The following MOCS1 variants were observed in gnomAD, a reference collection of about 807,000 sequenced individuals.
MOCS1 encodes molybdenum cofactor synthesis 1.
Under a neutral mutation model 57.6 loss-of-function variants are expected in MOCS1, and 39 were observed. That is an observed-to-expected ratio of 0.68 (90% confidence interval 0.52 to 0.88). The LOEUF is 0.88. Ranked by LOEUF, MOCS1 falls within the 40% of genes least tolerant of loss-of-function variation. The pLI is 0.00. For synonymous variants in MOCS1, 334 were observed against 335.7 expected, an observed-to-expected ratio of 1.00 and a Z score of 0.05; for missense variants, 795 against 831.1, an observed-to-expected ratio of 0.96 and a Z score of 0.53.
chr6:39,915,948 C>T, intron 4 of MOCS1, 120 bp downstream of exon 4: 1 of 1,178,438 alleles, frequency 8.5e-7, no homozygotes. Flanking sequence ...AGTGCTTTGA[C>T]TTACTGATAG....
In MOCS1 at chr6:39,916,107, G is replaced by T. The variant is rs1767642521; in HGVS notation, c.544C>A (p.Leu182Met). ...ATGAACTCAAACTTGGCAGGCACCAGGGTGTCCAGGCTGATGTTGATGGCA... is the reference window on the plus strand; with the variant it reads ...ATGAACTCAAACTTGGCAGGCACCATGGTGTCCAGGCTGATGTTGATGGCA... ...LSAINISLDT[L>M]VPAKFEFIVR... is the part of the protein sequence containing the mutation. The change falls in exon 4 of 11, where the codon CTG becomes ATG. Residue 182 changes from leucine (L) to methionine (M), a missense_variant. Coordinates refer to ENST00000340692, the MANE Select transcript of MOCS1 (RefSeq NM_001358530.2). 1.2e-6 allele frequency: 2 copies of T among 1,613,400 alleles called. No homozygotes were observed. The highest frequency in any genetic ancestry group is 1.7e-6 in the Non-Finnish European group (2 of 1,179,808).
At chr6:39,923,041 C>T (rs949956777) in intron 3 of MOCS1, among the ~76,000 whole-genome samples, 5 of 152,132 alleles carry the variant, frequency 3.3e-5, no homozygotes, top group South Asian at 2.1e-4. Context: ...ACAGGCACAG[C>T]GCCACAGGAA....
rs377628500 is a variant in MOCS1 at position 39,912,252 on chromosome 6, G to A, written c.981+12C>T. On this transcript the variant is annotated intron_variant, in intron 8 of 10. Coordinates refer to ENST00000340692, the MANE Select transcript of MOCS1 (RefSeq NM_001358530.2). The stretch of plus-strand genomic sequence containing the variant: ...GGTGGCAAGGGGTCCCTGTGGAGGA[G>A]GGGATGCTCACCTTGAGGTTCCCAT... 599 of 1,593,316 alleles carry A rather than the reference G, an allele frequency of 3.8e-4. 6 individuals carry two copies. The highest frequency in any genetic ancestry group is 7.5e-5 in the Non-Finnish European group (87 of 1,162,744).
intron 1 of MOCS1, among the ~76,000 whole-genome samples, chr6:39,931,121 C>T (rs1030926630): frequency 6.6e-6 from 1 of 152,106 alleles, no homozygotes; most frequent in Non-Finnish European, 1.5e-5. Flanking sequence ...TCCCCAGGAC[C>T]ACCAATACTG....
chr6:39,929,494 A>G (rs1768529062), intron 1 of MOCS1, among the ~76,000 whole-genome samples: 1 of 152,058 alleles, frequency 6.6e-6, no homozygotes, highest in Non-Finnish European at 1.5e-5. Flanking sequence ...ACTTGCCAAG[A>G]TACCCCCCCT....
At chr6:39,917,065 A>C (rs2984658) in intron 3 of MOCS1, among the ~76,000 whole-genome samples, 1 of 152,034 alleles carries the variant, frequency 6.6e-6, no homozygotes, top group Admixed American at 6.5e-5. Flanking sequence ...CTCAAGGATA[A>C]AGCACCAGTG....
At chr6:39,931,459 C>T (rs1192685720) in intron 1 of MOCS1, among the ~76,000 whole-genome samples, 1 of 152,128 alleles carries the variant, frequency 6.6e-6, no homozygotes, top group Non-Finnish European at 1.5e-5. Flanking sequence ...AAATTAATCT[C>T]TTTTAAATGA....
At chr6:39,918,490 G>A (rs931883998) in intron 3 of MOCS1, among the ~76,000 whole-genome samples, 2 of 152,152 alleles carry the variant, frequency 1.3e-5, no homozygotes, top group Admixed American at 6.5e-5. Flanking sequence ...AAATAATCAC[G>A]GATGTGAATA....
At chr6:39,931,818 A>G (rs1172947400) in intron 1 of MOCS1, among the ~76,000 whole-genome samples, 1 of 152,022 alleles carries the variant, frequency 6.6e-6, no homozygotes, top group Non-Finnish European at 1.5e-5. Flanking sequence ...TTCCCCCGCC[A>G]CAGGCAGCAG....
intron 1 of MOCS1, among the ~76,000 whole-genome samples, chr6:39,929,086 G>A (rs1435761637): frequency 6.6e-6 from 1 of 152,180 alleles, no homozygotes; most frequent in African/African-American, 2.4e-5. Context: ...TAAGAGACAT[G>A]AGAGTATGTG....
Position 39,904,377 on chromosome 6 carries a change from T to G in MOCS1, c.*1980A>C. 1 of 456,572 alleles carries G rather than the reference T, an allele frequency of 2.2e-6. No homozygotes were observed. The highest frequency in any genetic ancestry group is 4.4e-6 in the Non-Finnish European group (1 of 226,978). The allele number at this position is 456,572 out of a possible 1,614,324, so 28.3% of individuals were successfully genotyped here. ...CTTGGACCATGGACTCATACTCAAC[T>G]GAGTAAGAAGGGGCTGGTGCCCAGT... is the stretch of plus-strand genomic sequence containing the variant. On this transcript the variant is annotated 3_prime_UTR_variant, in exon 11 of 11. Coordinates refer to ENST00000340692, the MANE Select transcript of MOCS1 (RefSeq NM_001358530.2).
intron 3 of MOCS1, among the ~76,000 whole-genome samples, chr6:39,919,504 CA>C (rs1394444951): frequency 8.4e-6 from 1 of 119,446 alleles, no homozygotes; most frequent in Non-Finnish European, 1.8e-5. Context: ...AAAAAACAAA[CA>C]AAAAACAGCA....
intron 1 of MOCS1, chr6:39,927,842 G>A (rs1768424411): frequency 1.9e-6 from 2 of 1,055,504 alleles, no homozygotes; most frequent in Non-Finnish European, 1.3e-6. Context: ...ACTGCTGAAG[G>A]CCACAAGCAA....
intron 3 of MOCS1, among the ~76,000 whole-genome samples, chr6:39,923,812 C>T (rs79728516): frequency 6.6e-6 from 1 of 152,238 alleles, no homozygotes; most frequent in African/African-American, 2.4e-5. Context: ...CCTTGGGACT[C>T]TCACAGCACC....
At position 39,907,088 on chromosome 6, in the gene MOCS1, G is replaced by T. The variant is rs753694766; in HGVS notation, c.1180C>A (p.Pro394Thr). Residue 394 changes from proline to threonine, a missense_variant, in exon 11 of 11, where the codon CCA (proline) becomes ACA (threonine). Transcript: ENST00000340692. ...ELFLMFPNSP[P>T]ANPSIFSWDP... ...CAGGAGAAAATGCTTGGATTGGCTG[G>T]TGGGGAATTGGGGAACATCAAAAAT... 2 of 1,613,216 alleles carry T rather than the reference G, an allele frequency of 1.2e-6. No homozygotes were observed. Among genetic ancestry groups the T allele is most frequent in the Non-Finnish European group, 1.7e-6 (2 of 1,179,450 alleles).
In MOCS1 at chr6:39,925,861, A is replaced by C. The variant is rs746413193; in HGVS notation, c.251-16T>G. On this transcript the variant is annotated splice_polypyrimidine_tract_variant and intron_variant, in intron 2 of 10. Coordinates refer to ENST00000340692, the MANE Select transcript of MOCS1 (RefSeq NM_001358530.2). ...CAGTACTGACCTGAGGGAAGGATGAATGGGAATGTGGAGGGAGGAAAGAGG... is the reference window on the plus strand; with the variant it reads ...CAGTACTGACCTGAGGGAAGGATGACTGGGAATGTGGAGGGAGGAAAGAGG... The C allele has an allele frequency of 6.2e-7, 1 of 1,603,470 alleles. No individual in the cohort carries two copies.
chr6:39,929,896 C>T (rs547545909), intron 1 of MOCS1, among the ~76,000 whole-genome samples: 11 of 143,832 alleles, frequency 7.6e-5, no homozygotes, highest in Non-Finnish European at 1.2e-4. Context: ...CAGCCAAGAT[C>T]GCACCACTGT....
chr6:39,909,739 G>T, intron 9 of MOCS1, 96 bp downstream of exon 9: 2 of 1,544,338 alleles, frequency 1.3e-6, no homozygotes, highest in Non-Finnish European at 8.8e-7. Flanking sequence ...TTCCCCCTAG[G>T]TGTTCCTTGG....
Position 39,913,439 on chromosome 6 carries a change from A to T in MOCS1, c.646-11T>A. The T allele has an allele frequency of 6.2e-7, 1 of 1,611,784 alleles. No individual in the cohort carries two copies. Among genetic ancestry groups the T allele is most frequent in the Non-Finnish European group, 8.5e-7 (1 of 1,177,874 alleles). On this transcript the variant is annotated splice_polypyrimidine_tract_variant and intron_variant, in intron 5 of 10. Coordinates refer to ENST00000340692, the MANE Select transcript of MOCS1 (RefSeq NM_001358530.2). ...CACCACACAGTTCACCTGGCCGGGGAACAATGGGACCATGAGGGCTGTGCC... is the reference window on the plus strand; with the variant it reads ...CACCACACAGTTCACCTGGCCGGGGTACAATGGGACCATGAGGGCTGTGCC...
Sources: gnomAD v4.1 joint callset for allele counts (sites outside exome capture counted in the v4.1 genomes callset) on GRCh38, gnomAD v4.1.1 for gene constraint, MANE v1.5 for transcripts, NCBI Gene and HGNC (gene_info 2026-07-23, HGNC 2026-07-21) for gene names.